Variants in THSD4 observed in about 807,000 individuals in gnomAD.
THSD4 encodes thrombospondin type-1 domain-containing protein 4.
A neutral mutation model predicts 119.0 loss-of-function variants in THSD4; 69 were observed. The observed-to-expected ratio is 0.58, with a 90% confidence interval of 0.48 to 0.71. The LOEUF is 0.71. Ranked by LOEUF, THSD4 falls within the 30% of genes least tolerant of loss-of-function variation. The pLI is 0.00. For synonymous variants in THSD4, 524 were observed against 540.4 expected, an observed-to-expected ratio of 0.97 and a Z score of 0.42; for missense variants, 1,393 against 1,391.1, an observed-to-expected ratio of 1.00 and a Z score of -0.02.
intron 4 of THSD4, among the ~76,000 whole-genome samples, chr15:71,229,320 A>C (rs1233017240): frequency 6.6e-6 from 1 of 152,240 alleles, no homozygotes; most frequent in African/African-American, 2.4e-5. Flanking sequence ...ATCTACATAC[A>C]GAATGTATTA....
intron 6 of THSD4, among the ~76,000 whole-genome samples, chr15:71,312,727 C>G (rs1018071271): frequency 6.6e-6 from 1 of 152,084 alleles, no homozygotes; most frequent in Non-Finnish European, 1.5e-5. Context: ...CACTCTAGCA[C>G]GACTCGGGCT....
intron 7 of THSD4, among the ~76,000 whole-genome samples, chr15:71,524,587 CTTTTTTTTTTT>C (rs71438517): frequency 0.052 from 3,097 of 59,632 alleles, 153 homozygotes; most frequent in African/African-American, 0.17. Context: ...GTTTATGCCT[CTTTTTTTTTTT>C]TTTTTTTTTT....
intron 3 of THSD4, among the ~76,000 whole-genome samples, chr15:71,168,039 C>T (rs1356097913): frequency 6.6e-6 from 1 of 152,218 alleles, no homozygotes; most frequent in Non-Finnish European, 1.5e-5. Flanking sequence ...CAGAAGTCGT[C>T]CTCATGTTCC....
At chr15:71,411,917 C>T (rs2046695166) in intron 7 of THSD4, 94 bp downstream of exon 7, 1 of 1,534,178 alleles carries the variant, frequency 6.5e-7, no homozygotes, top group Non-Finnish European at 8.9e-7. Context: ...CTGCTAGCTC[C>T]CCCCAGCCCA....
chr15:71,549,180 T>C (rs1219930944), intron 7 of THSD4, among the ~76,000 whole-genome samples: 1 of 152,232 alleles, frequency 6.6e-6, no homozygotes, highest in Non-Finnish European at 1.5e-5. Context: ...GCAGAGGTTT[T>C]GTCTTATGAG....
At chr15:71,574,334 C>T (rs2049410439) in intron 7 of THSD4, among the ~76,000 whole-genome samples, 1 of 152,112 alleles carries the variant, frequency 6.6e-6, no homozygotes, top group African/African-American at 2.4e-5. Context: ...TCCCCTTTTG[C>T]TGACAAGCAA....
chr15:71,552,938 A>AT (rs2048955188), intron 7 of THSD4, among the ~76,000 whole-genome samples: 1 of 152,172 alleles, frequency 6.6e-6, no homozygotes, highest in Non-Finnish European at 1.5e-5. Flanking sequence ...CAGCCTAGCA[A>AT]TTTTTTTACA....
rs1378367082 is a variant in THSD4 at position 71,779,831 on chromosome 15, A to G, written c.*2457A>G. On this transcript the variant is annotated 3_prime_UTR_variant, in exon 18 of 18. Transcript: ENST00000261862. Reference sequence around the variant, plus strand: ...CATGTCTCCCTTGGGGAGAAAGTGCATAAACCAGGGGTCTCTTTTTTTTTT... The same window carrying G: ...CATGTCTCCCTTGGGGAGAAAGTGCGTAAACCAGGGGTCTCTTTTTTTTTT... 8.5e-6 allele frequency: 1 copy of G among 117,976 alleles called. No individual in the cohort carries two copies. 7.3% of individuals were successfully genotyped at this position (117,976 alleles called of 1,614,324 possible). A position where few individuals can be genotyped will look rare whatever the true frequency, so the allele number is the denominator to read the frequency against.
intron 7 of THSD4, among the ~76,000 whole-genome samples, chr15:71,620,328 C>T (rs896365281): frequency 3.9e-5 from 6 of 152,028 alleles, no homozygotes; most frequent in African/African-American, 1.4e-4. Flanking sequence ...TGTGGGGGCT[C>T]ATGCCTGTAA....
At chr15:71,378,259 A>G (rs997518835) in intron 6 of THSD4, among the ~76,000 whole-genome samples, 1 of 152,196 alleles carries the variant, frequency 6.6e-6, no homozygotes, top group South Asian at 2.1e-4. Flanking sequence ...ACAGTTTTCT[A>G]TCGGGTCAAA....
In THSD4 at chr15:71,115,669, C is replaced by T. The variant is rs2040353110; in HGVS notation, c.-109C>T. 1 of 146,874 alleles carries T rather than the reference C, an allele frequency of 6.8e-6. No individual in the cohort carries two copies. Among genetic ancestry groups the T allele is most frequent in the South Asian group, 2.1e-4 (1 of 4,844 alleles). 9.1% of individuals were successfully genotyped at this position (146,874 alleles called of 1,614,324 possible). The stretch of plus-strand genomic sequence containing the variant: ...CGGGGGCGAGGCGAGGCGAGGCGGC[C>T]GCCGGTCGCTCCGGGACGCGGACCG... On this transcript the variant is annotated 5_prime_UTR_variant, in exon 1 of 18. Coordinates refer to ENST00000261862, the MANE Select transcript of THSD4 (RefSeq NM_024817.3). The surrounding 1 kb of genome is among the most constrained non-coding windows in gnomAD (Gnocchi z 4.4).
At chr15:71,670,684 C>T (rs1213529990) in intron 8 of THSD4, among the ~76,000 whole-genome samples, 1 of 151,558 alleles carries the variant, frequency 6.6e-6, no homozygotes, top group Non-Finnish European at 1.5e-5. Flanking sequence ...TGTGATGTTC[C>T]CCATCCTGTG....
Position 71,167,125 on chromosome 15 carries a change from C to T in THSD4, c.99+12193C>T, listed in dbSNP as rs536564940. On this transcript the variant is annotated intron_variant, in intron 3 of 17. Transcript: ENST00000261862. ...AGCTTTGTGGAACTGTGGTTGTCATCCTGGTTATGTGCTCAAAAACTTGGC... is the reference window on the plus strand; with the variant it reads ...AGCTTTGTGGAACTGTGGTTGTCATTCTGGTTATGTGCTCAAAAACTTGGC... 3 of 152,214 alleles carry T rather than the reference C, an allele frequency of 2.0e-5. No individual in the cohort carries two copies. The South Asian group carries it at 6.2e-4, about 32-fold the overall frequency. 9.4% of individuals were successfully genotyped at this position (152,214 alleles called of 1,614,324 possible).
intron 7 of THSD4, among the ~76,000 whole-genome samples, chr15:71,523,871 T>A (rs1025341380): frequency 9.3e-5 from 14 of 150,798 alleles, no homozygotes; most frequent in Non-Finnish European, 4.4e-5. Flanking sequence ...CAGTAGCTAT[T>A]GTGTGAGGGG....
At chr15:71,443,407 A>G (rs1595773253) in intron 7 of THSD4, among the ~76,000 whole-genome samples, 2 of 141,450 alleles carry the variant, frequency 1.4e-5, no homozygotes, top group Non-Finnish European at 3.1e-5. Flanking sequence ...CTGATGTCCA[A>G]CCTGTAATTA....
chr15:71,539,675 A>G (rs1172051609), intron 7 of THSD4, among the ~76,000 whole-genome samples: 1 of 152,222 alleles, frequency 6.6e-6, no homozygotes, highest in African/African-American at 2.4e-5. Flanking sequence ...CTTGAGGAAT[A>G]TACCTTCTGG....
intron 7 of THSD4, among the ~76,000 whole-genome samples, chr15:71,546,291 G>A (rs1334980168): frequency 6.6e-6 from 1 of 152,080 alleles, no homozygotes; most frequent in African/African-American, 2.4e-5. Flanking sequence ...TGGCCACCAA[G>A]AGCCTCAGAA....
At chr15:71,122,540 A>G (rs750624433) in intron 1 of THSD4, among the ~76,000 whole-genome samples, 3 of 152,308 alleles carry the variant, frequency 2.0e-5, no homozygotes, top group African/African-American at 7.2e-5. Flanking sequence ...ACATGAGCGC[A>G]TATACGCATA....
intron 7 of THSD4, among the ~76,000 whole-genome samples, chr15:71,622,720 TGAA>T (rs577165384): frequency 8.7e-4 from 132 of 152,318 alleles, no homozygotes; most frequent in Non-Finnish European, 1.7e-3. Context: ...GAAGTCCTGA[TGAA>T]GAGTTTATCA....
Sources: allele counts gnomAD v4.1 joint callset (sites outside exome capture counted in the v4.1 genomes callset), GRCh38; gene constraint gnomAD v4.1.1; non-coding constraint Gnocchi (gnomAD v3.1); transcripts MANE v1.5; gene names NCBI Gene and HGNC (gene_info 2026-07-23, HGNC 2026-07-21).